RANBP17: variants seen among roughly 807,000 people sequenced by gnomAD.
RANBP17 encodes the protein ran-binding protein 17.
A neutral mutation model predicts 141.2 loss-of-function variants in RANBP17; 158 were observed. The ratio of observed to expected loss-of-function variants is 1.12; its 90% CI spans 0.98 to 1.28. The LOEUF is 1.28. Among genes scored for constraint, RANBP17 ranks in the 50% most tolerant of loss-of-function variants. RANBP17 has a pLI of 0.00. For missense variants in RANBP17, 1,438 were observed against 1,290.7 expected, an observed-to-expected ratio of 1.11 and a Z score of -1.75; for synonymous variants, 430 against 450.0, an observed-to-expected ratio of 0.96 and a Z score of 0.56.
Position 170,910,982 on chromosome 5 carries a change from C to T in RANBP17, c.608C>T (p.Pro203Leu), listed in dbSNP as rs1310111135. Residue 203 changes from proline (P) to leucine (L), a missense_variant, in exon 7 of 28, where the codon CCT becomes CTT. Transcript: ENST00000523189. ...CSLLKEVFAK[P>L]LNLQDQCQQN... Reference sequence around the variant, plus strand: ...TACTTTTTTCAGGTGTTTGCCAAACCTTTAAATCTTCAGGATCAATGTCAG... The same window carrying T: ...TACTTTTTTCAGGTGTTTGCCAAACTTTTAAATCTTCAGGATCAATGTCAG... 1 of 1,610,624 alleles carries T rather than the reference C, an allele frequency of 6.2e-7. No homozygotes were observed. The highest frequency in any genetic ancestry group is 2.2e-5 in the East Asian group (1 of 44,816).
intron 14 of RANBP17, among the ~76,000 whole-genome samples, chr5:171,154,643 G>A (rs762424361): frequency 6.6e-6 from 1 of 152,122 alleles, no homozygotes; most frequent in African/African-American, 2.4e-5. Flanking sequence ...GGATTTACTA[G>A]AACAAATGTC....
chr5:171,259,406 C>A (rs2964527), intron 24 of RANBP17, among the ~76,000 whole-genome samples: 6,049 of 152,284 alleles, frequency 0.04, 371 homozygotes, highest in African/African-American at 0.13. Flanking sequence ...TATCACAGGA[C>A]TGCCTCACTC....
At chr5:171,014,146 A>G (rs1185379256) in intron 14 of RANBP17, among the ~76,000 whole-genome samples, 2 of 151,398 alleles carry the variant, frequency 1.3e-5, no homozygotes, top group South Asian at 2.1e-4. Flanking sequence ...AGCAACTTCT[A>G]TTTTCTTTTG....
chr5:171,211,634 T>C (rs1581034086), intron 20 of RANBP17, among the ~76,000 whole-genome samples: 1 of 150,766 alleles, frequency 6.6e-6, no homozygotes, highest in Non-Finnish European at 1.5e-5. Context: ...CAGGGTTTTT[T>C]TTTTTTTTTT....
chr5:170,946,924 A>G lies in RANBP17; in HGVS notation c.1469-6673A>G, dbSNP rs13165681. Among the ~76,000 whole-genome samples, 739 of 152,312 alleles carry G rather than the reference A, an allele frequency of 4.9e-3. 14 individuals are homozygous for G. The South Asian group carries it at 0.05, about 10-fold the overall frequency. On this transcript the variant is annotated intron_variant, in intron 12 of 27. Transcript: ENST00000523189. ...TTTACATTATGAAGCTGAAACAAGA[A>G]GGTAGAGTTTCACTTTGTTTGCTCT...
At position 171,141,562 on chromosome 5, in the gene RANBP17, T is replaced by A. The variant is rs6891655; in HGVS notation, c.1711-28568T>A. ...GTGGAGTTTGCAGTGAGCCGAGATC[T>A]CACCACTACACTCCAGCCTGGGATG... On this transcript the variant is annotated intron_variant, in intron 14 of 27. Coordinates refer to ENST00000523189, the MANE Select transcript of RANBP17 (RefSeq NM_022897.5). Among the ~76,000 whole-genome samples, 4 of 145,284 alleles carry A rather than the reference T, an allele frequency of 2.8e-5. No homozygotes were observed. In the East Asian group the frequency reaches 6.1e-4, roughly 22 times the overall value.
At chr5:171,071,652 G>GAAAAAAAAAAAAAAAAAAAAAAAAAAAA (rs1581560423) in intron 14 of RANBP17, among the ~76,000 whole-genome samples, 1 of 7,930 alleles carries the variant, frequency 1.3e-4, no homozygotes, top group Non-Finnish European at 2.7e-4. Flanking sequence ...ACAGCTTTAT[G>GAAAAAAAAAAAAAAAAAAAAAAAAAAAA]CAAAAAAAAA....
chr5:170,924,706 G>T (rs1022843712), intron 12 of RANBP17, 156 bp downstream of exon 12: 25 of 468,750 alleles, frequency 5.3e-5, no homozygotes, highest in South Asian at 2.4e-4. Context: ...TGGGTATATT[G>T]GTAATTTGTT....
At chr5:171,252,218 T>G (rs1288002135) in intron 24 of RANBP17, 9 of 1,573,782 alleles carry the variant, frequency 5.7e-6, no homozygotes, top group Non-Finnish European at 7.8e-6. Flanking sequence ...CTAAATACAA[T>G]TGCTGATATT....
At chr5:171,187,218 T>C (rs1319457582) in intron 18 of RANBP17, among the ~76,000 whole-genome samples, 1 of 152,170 alleles carries the variant, frequency 6.6e-6, no homozygotes, top group East Asian at 1.9e-4. Flanking sequence ...ATCAATTAAG[T>C]TGGCTACCCT....
intron 14 of RANBP17, among the ~76,000 whole-genome samples, chr5:171,137,802 A>T (rs912638261): frequency 1.3e-5 from 2 of 151,948 alleles, no homozygotes; most frequent in Admixed American, 6.6e-5. Flanking sequence ...ATTCAATTTT[A>T]TATTATAACT....
At chr5:171,071,861 T>C (rs1414219537) in intron 14 of RANBP17, among the ~76,000 whole-genome samples, 1 of 152,070 alleles carries the variant, frequency 6.6e-6, no homozygotes, top group Non-Finnish European at 1.5e-5. Flanking sequence ...TCATTAAAAC[T>C]TTTTTGAGAA....
Position 171,293,980 on chromosome 5 carries a change from AGGTGAGTGTGAT to A in RANBP17, c.3042_3042+11del. The A allele has an allele frequency of 6.2e-7, 1 of 1,610,250 alleles. No individual in the cohort carries two copies. Among genetic ancestry groups the A allele is most frequent in the Non-Finnish European group, 8.5e-7 (1 of 1,176,586 alleles). ...CTGGGGCTCATCCTGCTCAATGAGA[AGGTGAGTGTGAT>A]TGCAGGAAGTCACGGGAGGTGGTCC... On this transcript the variant is annotated splice_donor_variant and splice_donor_5th_base_variant and coding_sequence_variant and intron_variant, in exon 26 of 28. Coordinates refer to ENST00000523189, the MANE Select transcript of RANBP17 (RefSeq NM_022897.5). LOFTEE classifies it high-confidence loss of function.
chr5:170,991,807 G>C (rs1401422113), intron 14 of RANBP17, among the ~76,000 whole-genome samples: 1 of 151,956 alleles, frequency 6.6e-6, no homozygotes, highest in African/African-American at 2.4e-5. Context: ...TTATTGGTAA[G>C]AATAAGAAGA....
At position 171,016,326 on chromosome 5, in the gene RANBP17, A is replaced by G. The variant is rs370612148; in HGVS notation, c.1710+47949A>G. Among the ~76,000 whole-genome samples, 4 of 151,848 alleles carry G rather than the reference A, an allele frequency of 2.6e-5. No individual in the cohort carries two copies. In the South Asian group the frequency reaches 8.3e-4, roughly 32 times the overall value. The stretch of plus-strand genomic sequence containing the variant: ...CACAAGTTTTAAATTTTTTTGGAAA[A>G]TTTTTCAAAATTTCTATAAGTGACA... On this transcript the variant is annotated intron_variant, in intron 14 of 27. Coordinates refer to ENST00000523189, the MANE Select transcript of RANBP17 (RefSeq NM_022897.5).
intron 14 of RANBP17, among the ~76,000 whole-genome samples, chr5:170,981,334 G>A (rs1200415028): frequency 6.6e-6 from 1 of 152,104 alleles, no homozygotes; most frequent in South Asian, 2.1e-4. Context: ...TGAAATATAA[G>A]GACATGAGAT....
intron 19 of RANBP17, among the ~76,000 whole-genome samples, chr5:171,204,958 A>G (rs1762488869): frequency 6.6e-6 from 1 of 152,232 alleles, no homozygotes; most frequent in South Asian, 2.1e-4. Context: ...ATGACATCAA[A>G]TATAGAACTC....
intron 14 of RANBP17, among the ~76,000 whole-genome samples, chr5:171,063,811 T>C (rs1480374097): frequency 6.6e-6 from 1 of 152,190 alleles, no homozygotes; most frequent in African/African-American, 2.4e-5. Flanking sequence ...TGTGGTGGGC[T>C]CCACCCAGTT....
intron 24 of RANBP17, among the ~76,000 whole-genome samples, chr5:171,261,307 G>A (rs1766316046): frequency 6.6e-6 from 1 of 152,100 alleles, no homozygotes; most frequent in Non-Finnish European, 1.5e-5. Context: ...ACCTCAAGAA[G>A]TCAAGCATCT....
Sources: allele counts gnomAD v4.1 joint callset (sites outside exome capture counted in the v4.1 genomes callset), GRCh38; gene constraint gnomAD v4.1.1; transcripts MANE v1.5; gene names NCBI Gene and HGNC (gene_info 2026-07-23, HGNC 2026-07-21).